MLANA: variants seen among roughly 807,000 people sequenced by gnomAD.
The protein encoded by MLANA is melanoma antigen recognized by T-cells 1.
A neutral mutation model predicts 15.7 loss-of-function variants in MLANA; 21 were observed. The observed-to-expected ratio is 1.33, with a 90% CI of 0.95 to 1.92. The LOEUF is 1.92. Among genes scored for constraint, MLANA ranks in the 40% most tolerant of loss-of-function variants. The probability of loss-of-function intolerance (pLI) is 0.00; values close to 1 mark genes in which losing one functional copy is unlikely to be tolerated. For synonymous variants in MLANA, 56 were observed against 51.5 expected (o/e 1.09, Z -0.37); for missense variants, 164 against 143.8 (o/e 1.14, Z -0.72).
downstream of MLANA, chr9:5,910,606 G>GAC (rs1833110463): frequency 6.6e-6 from 1 of 152,250 alleles, no homozygotes; most frequent in African/African-American, 2.4e-5. Context: ...CCCCCAGACT[G>GAC]TCACTCACTG....
At chr9:5,903,149 A>G (rs2129965279) in intron 3 of MLANA, among the ~76,000 whole-genome samples, 1 of 152,104 alleles carries the variant, frequency 6.6e-6, no homozygotes, top group East Asian at 1.9e-4. Context: ...ATCTTTCTGT[A>G]TTGATTTCTG....
chr9:5,906,800 C>T, intron 3 of MLANA, 85 bp from the exon 4 acceptor site: 3 of 814,134 alleles, frequency 3.7e-6, no homozygotes, highest in South Asian at 2.0e-5. Context: ...AAAACTCATT[C>T]TTAAAACTTT....
At chr9:5,898,528 A>G (rs1832194524) in intron 3 of MLANA, among the ~76,000 whole-genome samples, 1 of 152,158 alleles carries the variant, frequency 6.6e-6, no homozygotes, top group South Asian at 2.1e-4. Context: ...GGACACATTC[A>G]AACTATAGCA....
Position 5,909,960 on chromosome 9 carries a change from T to C in MLANA, c.*1252T>C, listed in dbSNP as rs578001632. 5 of 152,378 alleles carry C rather than the reference T, an allele frequency of 3.3e-5. No homozygotes were observed. Among genetic ancestry groups the C allele is most frequent in the Non-Finnish European group, 7.3e-5 (5 of 68,036 alleles). 9.4% of individuals were successfully genotyped at this position (152,378 alleles called of 1,614,324 possible). On this transcript the variant is annotated 3_prime_UTR_variant, in exon 5 of 5. Coordinates refer to ENST00000381477, the MANE Select transcript of MLANA (RefSeq NM_005511.2). ...AACTTTTTTTGGCTTTAATTCCTAT[T>C]GCCATCCTGAGTGGAAAACCAGTAT...
In MLANA at chr9:5,894,590, C is replaced by T. The variant is rs956817694; in HGVS notation, c.77+2039C>T. ...AGGGGCATGAATCAAATACTCAGGC[C>T]TCTGAGGTCAGCCAGTGCTCTGCTG... On this transcript the variant is annotated intron_variant, in intron 2 of 4. Transcript: ENST00000381477. This position sits in a 1 kb window ranked among gnomAD's most constrained non-coding sequence, Gnocchi z 4.0. Among the ~76,000 whole-genome samples, 2 of 152,138 alleles carry T rather than the reference C, an allele frequency of 1.3e-5. No homozygotes were observed. Among genetic ancestry groups the T allele is most frequent in the East Asian group, 1.9e-4 (1 of 5,192 alleles).
Position 5,892,518 on chromosome 9 carries a change from A to C in MLANA, c.44A>C (p.Lys15Thr). The part of the protein sequence containing the change: ...DAHFIYGYPK[K>T]GHGHSYTTAE... ...CACTTCATCTATGGTTACCCCAAGA[A>C]GGGGCACGGCCACTCTTACACCACG... The change falls in exon 2 of 5, where the codon AAG becomes ACG. Residue 15 changes from lysine to threonine, a missense_variant. Physicochemically the swap from Lys to Thr is moderately conservative, Grantham distance 78. Coordinates refer to ENST00000381477, the MANE Select transcript of MLANA (RefSeq NM_005511.2). 1 of 1,613,892 alleles carries C rather than the reference A, an allele frequency of 6.2e-7. No individual in the cohort carries two copies. The highest frequency in any genetic ancestry group is 8.5e-7 in the Non-Finnish European group (1 of 1,179,916).
chr9:5,898,369 C>A (rs549352107), intron 3 of MLANA, among the ~76,000 whole-genome samples: 1 of 152,292 alleles, frequency 6.6e-6, no homozygotes, highest in East Asian at 1.9e-4. Flanking sequence ...TTATAACCAA[C>A]CTACTTTTGC....
At chr9:5,907,020 G>A (rs767945326) in intron 4 of MLANA, 22 bp downstream of exon 4, 2 of 1,487,676 alleles carry the variant, frequency 1.3e-6, no homozygotes, top group Admixed American at 2.3e-5. Context: ...TCCTTCATAA[G>A]GGTATTTTCA....
intron 3 of MLANA, among the ~76,000 whole-genome samples, chr9:5,905,377 C>A (rs184437690): frequency 6.6e-6 from 1 of 152,154 alleles, no homozygotes; most frequent in African/African-American, 2.4e-5. Flanking sequence ...GTTTTAGGTA[C>A]AACTGACCAG....
chr9:5,905,827 C>G (rs1312705554), intron 3 of MLANA, among the ~76,000 whole-genome samples: 1 of 152,216 alleles, frequency 6.6e-6, no homozygotes, highest in Non-Finnish European at 1.5e-5. Context: ...CCAACCACCT[C>G]AGGCACACTT....
At chr9:5,900,972 T>C (rs575026708) in intron 3 of MLANA, among the ~76,000 whole-genome samples, 2 of 152,318 alleles carry the variant, frequency 1.3e-5, no homozygotes, top group African/African-American at 4.8e-5. Context: ...TGGAATACTT[T>C]GGGGTTCTTG....
In MLANA at chr9:5,908,728, G is replaced by C. The variant is rs969123202; in HGVS notation, c.*20G>C. 1.2e-6 allele frequency: 2 copies of C among 1,603,658 alleles called. No individual in the cohort carries two copies. The highest frequency in any genetic ancestry group is 2.2e-5 in the East Asian group (1 of 44,810). On this transcript the variant is annotated 3_prime_UTR_variant, in exon 5 of 5. Transcript: ENST00000381477. ...CCTTAAGAGCCAGCGAGACACCTGAGACATGCTGAAATTATTTCTCTCACA... is the reference window on the plus strand; with the variant it reads ...CCTTAAGAGCCAGCGAGACACCTGACACATGCTGAAATTATTTCTCTCACA...
intron 2 of MLANA, among the ~76,000 whole-genome samples, chr9:5,893,421 G>C (rs1231272676): frequency 6.6e-6 from 1 of 152,182 alleles, no homozygotes; most frequent in African/African-American, 2.4e-5. Context: ...AACAATCTTT[G>C]TTAACAGTCA....
In MLANA at chr9:5,909,881, C is replaced by A. The variant is rs573817975; in HGVS notation, c.*1173C>A. Reference sequence around the variant, plus strand: ...ATTTGTTTTCCTTTGGCTACATCAACGTATCACCTACACTATTATTTATCT... The same window carrying A: ...ATTTGTTTTCCTTTGGCTACATCAAAGTATCACCTACACTATTATTTATCT... On this transcript the variant is annotated 3_prime_UTR_variant, in exon 5 of 5. Coordinates refer to ENST00000381477, the MANE Select transcript of MLANA (RefSeq NM_005511.2). 6.6e-6 allele frequency: 1 copy of A among 152,320 alleles called. No individual in the cohort carries two copies. The highest frequency in any genetic ancestry group is 2.4e-5 in the African/African-American group (1 of 41,574). 9.4% of individuals were successfully genotyped at this position (152,320 alleles called of 1,614,324 possible).
At chr9:5,906,553 G>A (rs1163645446) in intron 3 of MLANA, among the ~76,000 whole-genome samples, 3 of 152,132 alleles carry the variant, frequency 2.0e-5, no homozygotes, top group African/African-American at 7.2e-5. Context: ...CACTATTGAT[G>A]GATAATTTCA....
intron 3 of MLANA, among the ~76,000 whole-genome samples, chr9:5,899,788 A>C (rs902080880): frequency 2.0e-5 from 3 of 152,160 alleles, no homozygotes; most frequent in Admixed American, 6.5e-5. Flanking sequence ...ACTCATCTTC[A>C]TATCTCCAGT....
At chr9:5,891,072 T>G (rs959198327) in intron 1 of MLANA, 136 bp downstream of exon 1, 1 of 152,160 alleles carries the variant, frequency 6.6e-6, no homozygotes, top group African/African-American at 2.4e-5. Context: ...CCGCAACGTT[T>G]GTCAGTCTCC....
intron 1 of MLANA, among the ~76,000 whole-genome samples, chr9:5,892,055 T>C (rs1831690440): frequency 6.6e-6 from 1 of 152,236 alleles, no homozygotes; most frequent in African/African-American, 2.4e-5. Flanking sequence ...TCTAATTTTG[T>C]TAGCCACAGC....
At chr9:5,902,561 C>T (rs568453649) in intron 3 of MLANA, among the ~76,000 whole-genome samples, 1 of 151,794 alleles carries the variant, frequency 6.6e-6, no homozygotes, top group East Asian at 1.9e-4. Context: ...AACTCCTGGG[C>T]TCAAGCACTC....
Sources: gnomAD v4.1 joint callset for allele counts (sites outside exome capture counted in the v4.1 genomes callset) on GRCh38, gnomAD v4.1.1 for gene constraint, Gnocchi (gnomAD v3.1) non-coding constraint, MANE v1.5 for transcripts, NCBI Gene and HGNC (gene_info 2026-07-23, HGNC 2026-07-21) for gene names.